DLGAP2: variants seen among roughly 807,000 people sequenced by gnomAD.
DLGAP2 encodes the protein disks large-associated protein 2.
A neutral mutation model predicts 100.3 loss-of-function variants in DLGAP2; 26 were observed. The ratio of observed to expected loss-of-function variants is 0.26; its 90% CI spans 0.19 to 0.36. DLGAP2 has a LOEUF of 0.36. DLGAP2 is among the 10% of genes least tolerant of loss of function. DLGAP2 has a pLI of 1.00. For missense variants in DLGAP2, 1,858 were observed against 1,453.2 expected (o/e 1.28, Z -4.53); for synonymous variants, 886 against 630.1 (o/e 1.41, Z -6.08).
chr8:1,616,734 T>G (rs1472939233), intron 6 of DLGAP2, among the ~76,000 whole-genome samples: 2 of 152,252 alleles, frequency 1.3e-5, no homozygotes, highest in African/African-American at 4.8e-5. Flanking sequence ...CACATGTGGC[T>G]ACTTTTTTAT....
At chr8:801,570 C>T (rs562056287) in intron 1 of DLGAP2, among the ~76,000 whole-genome samples, 2 of 152,186 alleles carry the variant, frequency 1.3e-5, no homozygotes, top group African/African-American at 4.8e-5. Flanking sequence ...AGCCCTGGGT[C>T]TTTCCTGAGT....
Position 1,571,992 on chromosome 8 carries a change from G to A in DLGAP2, c.1442+6098G>A, listed in dbSNP as rs111436911. 1.2e-3 allele frequency among the ~76,000 whole-genome samples: 156 copies of A among 128,530 alleles called. 2 individuals carry two copies. The highest frequency in any genetic ancestry group is 4.2e-3 in the African/African-American group (129 of 30,730). The allele number at this position is 128,530 out of a possible 152,430, so 84.3% of individuals were successfully genotyped here. A position where few individuals can be genotyped will look rare whatever the true frequency, so the allele number is the denominator to read the frequency against. ...GGCGTCTGATGAGATGGAGAGGAGA[G>A]AGGGTGAACTGTGGGGGCGTCTGAT... On this transcript the variant is annotated intron_variant, in intron 6 of 14. Transcript: ENST00000637795.
intron 1 of DLGAP2, among the ~76,000 whole-genome samples, chr8:808,962 A>C (rs540549946): frequency 2.1e-5 from 3 of 145,636 alleles, no homozygotes; most frequent in African/African-American, 7.7e-5. Flanking sequence ...GCTGAAGTGC[A>C]GTAGTATGAT....
chr8:1,574,573 G>C (rs1209411081), intron 6 of DLGAP2, among the ~76,000 whole-genome samples: 1 of 152,162 alleles, frequency 6.6e-6, no homozygotes, highest in Non-Finnish European at 1.5e-5. Context: ...TCCCACCAGA[G>C]CCTCAATACC....
chr8:848,029 G>C (rs1368483373), intron 1 of DLGAP2, among the ~76,000 whole-genome samples: 1 of 152,056 alleles, frequency 6.6e-6, no homozygotes, highest in Non-Finnish European at 1.5e-5. Context: ...GCAAGTGTGG[G>C]CCTGTTACTC....
At chr8:1,533,669 A>G (rs1008103766) in intron 4 of DLGAP2, among the ~76,000 whole-genome samples, 3 of 152,192 alleles carry the variant, frequency 2.0e-5, no homozygotes, top group African/African-American at 7.2e-5. Flanking sequence ...AGTTTCTGTC[A>G]TCTTAAAACT....
At chr8:943,617 C>G (rs111847122) in intron 2 of DLGAP2, among the ~76,000 whole-genome samples, 3 of 151,582 alleles carry the variant, frequency 2.0e-5, no homozygotes, top group Non-Finnish European at 4.4e-5. Flanking sequence ...TGTGGAGGAG[C>G]TGGCATGTGG....
intron 1 of DLGAP2, among the ~76,000 whole-genome samples, chr8:766,504 T>C (rs540639343): frequency 1.3e-5 from 2 of 152,336 alleles, no homozygotes; most frequent in African/African-American, 4.8e-5. Context: ...TATATTGTGA[T>C]ATAGATGAAT....
intron 1 of DLGAP2, among the ~76,000 whole-genome samples, chr8:815,817 A>G (rs988836018): frequency 6.6e-6 from 1 of 152,198 alleles, no homozygotes; most frequent in African/African-American, 2.4e-5. Flanking sequence ...AATACTTTGG[A>G]GCATGTGTTC....
intron 2 of DLGAP2, among the ~76,000 whole-genome samples, chr8:1,097,781 G>T (rs1305692679): frequency 2.3e-5 from 3 of 128,006 alleles, no homozygotes; most frequent in Non-Finnish European, 4.8e-5. Flanking sequence ...GCATGGAGAG[G>T]ACCCCTCCAG....
intron 4 of DLGAP2, among the ~76,000 whole-genome samples, chr8:1,517,480 C>G (rs941619660): frequency 2.6e-5 from 4 of 152,178 alleles, no homozygotes; most frequent in African/African-American, 9.7e-5. Context: ...AGCCTCCCAC[C>G]CTGGCCTCGT....
At chr8:769,922 G>C (rs970394465) in intron 1 of DLGAP2, among the ~76,000 whole-genome samples, 1 of 152,162 alleles carries the variant, frequency 6.6e-6, no homozygotes, top group Non-Finnish European at 1.5e-5. Flanking sequence ...GGCTTCAGCA[G>C]CTGCGGGGGT....
intron 2 of DLGAP2, among the ~76,000 whole-genome samples, chr8:1,024,344 G>A (rs1211021980): frequency 7.9e-6 from 1 of 127,000 alleles, no homozygotes; most frequent in Non-Finnish European, 1.8e-5. Flanking sequence ...CCTCCCTGGG[G>A]GTGGACAGTC....
intron 6 of DLGAP2, among the ~76,000 whole-genome samples, chr8:1,623,684 G>T (rs1304719714): frequency 1.3e-5 from 2 of 152,172 alleles, no homozygotes; most frequent in African/African-American, 2.4e-5. Context: ...TGATGACCTG[G>T]CACCAGTGCA....
At chr8:1,167,457 G>A (rs1266938273) in intron 2 of DLGAP2, among the ~76,000 whole-genome samples, 1 of 152,070 alleles carries the variant, frequency 6.6e-6, no homozygotes, top group Non-Finnish European at 1.5e-5. Flanking sequence ...AGAGTTTCAG[G>A]GTTTTATGCA....
At chr8:1,017,583 G>A (rs1397145112) in intron 2 of DLGAP2, among the ~76,000 whole-genome samples, 69 of 142,448 alleles carry the variant, frequency 4.8e-4, no homozygotes, top group South Asian at 6.7e-4. Flanking sequence ...GACAGACGAC[G>A]CCTCCACTGT....
At chr8:838,112 T>C (rs1796915562) in intron 1 of DLGAP2, among the ~76,000 whole-genome samples, 2 of 151,468 alleles carry the variant, frequency 1.3e-5, no homozygotes, top group Non-Finnish European at 2.9e-5. Context: ...ATGGTGGAAA[T>C]TGAATTAAAT....
At chr8:1,017,486 G>GCCTCCACT (rs1801488514) in intron 2 of DLGAP2, among the ~76,000 whole-genome samples, 4 of 41,994 alleles carry the variant, frequency 9.5e-5, no homozygotes, top group South Asian at 6.6e-4. Context: ...CAGGACAGAC[G>GCCTCCACT]GCGCCTCCAC....
intron 2 of DLGAP2, among the ~76,000 whole-genome samples, chr8:1,112,996 C>G (rs1805008160): frequency 6.6e-6 from 1 of 152,138 alleles, no homozygotes; most frequent in African/African-American, 2.4e-5. Context: ...TCAGCTTTGT[C>G]TAAGATCAGA....
Sources: gnomAD v4.1 joint callset for allele counts (sites outside exome capture counted in the v4.1 genomes callset) on GRCh38, gnomAD v4.1.1 for gene constraint, MANE v1.5 for transcripts, NCBI Gene and HGNC (gene_info 2026-07-23, HGNC 2026-07-21) for gene names.